CR1: variants seen among roughly 807,000 people sequenced by gnomAD.
CR1 encodes the protein complement C3b/C4b receptor 1 (Knops blood group), also known as complement receptor type 1.
A neutral mutation model predicts 187.3 loss-of-function variants in CR1; 116 were observed. The observed-to-expected ratio is 0.62, with a 90% CI of 0.53 to 0.72. The LOEUF (loss-of-function observed/expected upper bound fraction) is 0.72, where lower values mean the gene tolerates loss of function less well. Among genes scored for constraint, CR1 ranks in the 30% least tolerant of loss-of-function variants. CR1 has a pLI of 0.00. For missense variants in CR1, 1,731 were observed against 2,110.7 expected, an observed-to-expected ratio of 0.82 and a Z score of 3.52; for synonymous variants, 576 against 747.1, an observed-to-expected ratio of 0.77 and a Z score of 3.73.
intron 40 of CR1, among the ~76,000 whole-genome samples, chr1:207,615,023 G>C (rs745715743): frequency 6.6e-6 from 1 of 152,002 alleles, no homozygotes; most frequent in Non-Finnish European, 1.5e-5. Context: ...TGCCCCAGCT[G>C]GTCTCAAACT....
At chr1:207,590,525 A>G (rs947014964) in intron 35 of CR1, among the ~76,000 whole-genome samples, 1 of 152,236 alleles carries the variant, frequency 6.6e-6, no homozygotes, top group Non-Finnish European at 1.5e-5. Context: ...TGTAAAGACC[A>G]TCAACAATAT....
chr1:207,565,738 A>T, intron 23 of CR1, 100 bp from the exon 24 acceptor site: 1 of 1,520,124 alleles, frequency 6.6e-7, no homozygotes, highest in Non-Finnish European at 9.1e-7. Context: ...TGCTGGCCTC[A>T]GATCCTCAAA....
At chr1:207,585,612 C>T (rs1343693850) in intron 33 of CR1, among the ~76,000 whole-genome samples, 1 of 152,176 alleles carries the variant, frequency 6.6e-6, no homozygotes, top group African/African-American at 2.4e-5. Context: ...TTGGAATATT[C>T]CATTATCCAC....
Position 207,523,938 on chromosome 1 carries a change from T to C in CR1, c.815T>C (p.Met272Thr), listed in dbSNP as rs528582284. 1.9e-6 allele frequency: 3 copies of C among 1,611,662 alleles called. No individual in the cohort carries two copies. Among genetic ancestry groups the C allele is most frequent in the Admixed American group, 3.3e-5 (2 of 60,010 alleles). Residue 272 changes from methionine to threonine, a missense_variant, in exon 5 of 47, where the codon ATG becomes ACG. Coordinates refer to ENST00000367049, the MANE Select transcript of CR1 (RefSeq NM_000651.6). ...TTTAGGTGTCAGCCTGGCTTTGTCATGAAAGGACCCCGCCGTGTGAAGTGC... is the reference window on the plus strand; with the variant it reads ...TTTAGGTGTCAGCCTGGCTTTGTCACGAAAGGACCCCGCCGTGTGAAGTGC... ...VEFRCQPGFV[M>T]KGPRRVKCQA...
chr1:207,515,138 CGTGT>C (rs1472479756), intron 4 of CR1, among the ~76,000 whole-genome samples: 1 of 131,472 alleles, frequency 7.6e-6, no homozygotes, highest in African/African-American at 2.9e-5. Flanking sequence ...CGTATATATA[CGTGT>C]ATACGTATAT....
In CR1 at chr1:207,584,700, C is replaced by G; in HGVS notation, c.5354C>G (p.Thr1785Ser). 6.2e-7 allele frequency: 1 copy of G among 1,613,744 alleles called. No homozygotes were observed. The highest frequency in any genetic ancestry group is 8.5e-7 in the Non-Finnish European group (1 of 1,179,696). ...PAILNGRHTGTPSGDIPYGKE... is the reference protein window; with the variant it reads ...PAILNGRHTGSPSGDIPYGKE... ...ATCCTTAATGGGAGACACACAGGAA[C>G]TCCCTCTGGAGATATTCCCTATGGA... is the stretch of plus-strand genomic sequence containing the variant. Residue 1785 changes from threonine to serine, a missense_variant, in exon 33 of 47, where the codon ACT (threonine) becomes AGT (serine). Physicochemically the swap from Thr to Ser is moderately conservative, Grantham distance 58. Around this residue, in one of 5 missense-constraint regions of CR1, gnomAD observed 1,312 missense variants for 1,379.6 expected, o/e 0.95. Coordinates refer to ENST00000367049, the MANE Select transcript of CR1 (RefSeq NM_000651.6).
intron 37 of CR1, among the ~76,000 whole-genome samples, chr1:207,610,628 A>G (rs970292318): frequency 1.3e-5 from 2 of 152,118 alleles, no homozygotes; most frequent in Non-Finnish European, 2.9e-5. Context: ...CACCATGCCT[A>G]GTTTCAAATG....
chr1:207,622,999 T>C lies in CR1; in HGVS notation c.7283T>C (p.Leu2428Ser), dbSNP rs781012531. The C allele has an allele frequency of 1.3e-5, 21 of 1,571,884 alleles. No individual in the cohort carries two copies. In the South Asian group the frequency reaches 1.9e-4, roughly 14 times the overall value. ...ACCTTGTTTTACTGCCTAGGCACTT[T>C]ATCTGGTACGATCTTCTTTATTTTA... ...RTHDALIVGTLSGTIFFILLI... is the reference protein window; with the variant it reads ...RTHDALIVGTSSGTIFFILLI... Residue 2428 changes from leucine to serine, a missense_variant, in exon 45 of 47, where the codon TTA becomes TCA. Physicochemically the swap from Leu to Ser is moderately radical, Grantham distance 145. Coordinates refer to ENST00000367049, the MANE Select transcript of CR1 (RefSeq NM_000651.6).
At chr1:207,619,036 C>CAAAAA (rs71727231) in intron 42 of CR1, among the ~76,000 whole-genome samples, 19 of 38,126 alleles carry the variant, frequency 5.0e-4, no homozygotes, top group Non-Finnish European at 1.2e-3. Flanking sequence ...GACTCCGTCT[C>CAAAAA]AAAAAAAAAA....
intron 3 of CR1, among the ~76,000 whole-genome samples, chr1:207,510,009 A>C (rs528790426): frequency 1.3e-5 from 2 of 152,148 alleles, no homozygotes; most frequent in South Asian, 4.2e-4. Context: ...GGAATTCAAG[A>C]CCAGCCTGGT....
intron 1 of CR1, among the ~76,000 whole-genome samples, chr1:207,499,263 AG>A (rs1027211518): frequency 2.6e-5 from 4 of 152,232 alleles, no homozygotes; most frequent in African/African-American, 9.6e-5. Context: ...AGGGATAAAG[AG>A]GGGCATCATA....
chr1:207,603,164 A>T (rs1033420368), intron 35 of CR1, among the ~76,000 whole-genome samples: 1 of 152,110 alleles, frequency 6.6e-6, no homozygotes, highest in Non-Finnish European at 1.5e-5. Flanking sequence ...ATATTCTGAG[A>T]TAATAACAAG....
chr1:207,556,648 C>CATATATATATATATATAT (rs1404002868), intron 19 of CR1, among the ~76,000 whole-genome samples: 6 of 38,212 alleles, frequency 1.6e-4, no homozygotes, highest in South Asian at 1.7e-3. Context: ...TGATCTATAT[C>CATATATATATATATATAT]ATATATATAT....
chr1:207,508,874 G>A (rs545712976), intron 3 of CR1, among the ~76,000 whole-genome samples: 1 of 152,164 alleles, frequency 6.6e-6, no homozygotes, highest in East Asian at 2.0e-4. Context: ...GTCCCATATG[G>A]AAAATATAAT....
chr1:207,623,319 T>C (rs1662371489), intron 45 of CR1, among the ~76,000 whole-genome samples: 1 of 152,122 alleles, frequency 6.6e-6, no homozygotes, highest in South Asian at 2.1e-4. Context: ...TGGTGACTCA[T>C]GCCTGTAATT....
In CR1 at chr1:207,584,697, G is replaced by A; in HGVS notation, c.5351G>A (p.Gly1784Glu). The A allele has an allele frequency of 6.2e-7, 1 of 1,613,632 alleles. No homozygotes were observed. Among genetic ancestry groups the A allele is most frequent in the South Asian group, 1.1e-5 (1 of 91,054 alleles). ...PPAILNGRHT[G>E]TPSGDIPYGK... The stretch of plus-strand genomic sequence containing the variant: ...GCTATCCTTAATGGGAGACACACAG[G>A]AACTCCCTCTGGAGATATTCCCTAT... Residue 1784 changes from glycine (G) to glutamate (E), a missense_variant, in exon 33 of 47, where the codon GGA (glycine) becomes GAA (glutamate). Physicochemically the swap from Gly to Glu is moderately conservative, Grantham distance 98 (BLOSUM62 -2). Transcript: ENST00000367049.
intron 35 of CR1, among the ~76,000 whole-genome samples, chr1:207,596,438 AC>A (rs1385104090): frequency 2.0e-5 from 3 of 151,956 alleles, no homozygotes; most frequent in Admixed American, 6.6e-5. Flanking sequence ...ACATGGAGAA[AC>A]CCTGTCTCTA....
chr1:207,522,932 T>C lies in CR1; in HGVS notation c.488-679T>C, dbSNP rs1660043420. On this transcript the variant is annotated intron_variant, in intron 4 of 46. Transcript: ENST00000367049. ...TTAGGGGTTTTTGTGGACTAATATATGATCACTTTTACACAGATATCATCT... is the reference window on the plus strand; with the variant it reads ...TTAGGGGTTTTTGTGGACTAATATACGATCACTTTTACACAGATATCATCT... Among the ~76,000 whole-genome samples, 6 of 152,218 alleles carry C rather than the reference T, an allele frequency of 3.9e-5. No homozygotes were observed. The South Asian group carries it at 1.2e-3, about 31-fold the overall frequency.
intron 24 of CR1, among the ~76,000 whole-genome samples, chr1:207,566,534 G>GA (rs1270583029): frequency 6.7e-6 from 1 of 149,610 alleles, no homozygotes; most frequent in Non-Finnish European, 1.5e-5. Context: ...AGAGGGACAA[G>GA]AAAAAAAATA....
Sources: allele counts gnomAD v4.1 joint callset (sites outside exome capture counted in the v4.1 genomes callset), GRCh38; gene constraint gnomAD v4.1.1; regional missense constraint gnomAD v4.1.1; transcripts MANE v1.5; gene names NCBI Gene and HGNC (gene_info 2026-07-23, HGNC 2026-07-21).